CLASP1: variants seen among roughly 807,000 people sequenced by gnomAD.
CLASP1 encodes cytoplasmic linker associated protein 1, also known as CLIP-associating protein 1.
A neutral mutation model predicts 192.3 loss-of-function variants in CLASP1; 38 were observed. That is an observed-to-expected ratio of 0.20 (90% CI 0.15 to 0.26). The LOEUF is 0.26. CLASP1 is among the 10% of genes least tolerant of loss of function. The pLI is 1.00. For synonymous variants in CLASP1, 691 were observed against 712.8 expected (o/e 0.97, Z 0.49); for missense variants, 1,433 against 1,932.5 (o/e 0.74, Z 4.85).
rs190809005 is a variant in CLASP1, at chr2:121,516,721, T to C, written c.547-959A>G. 3.3e-3 allele frequency among the ~76,000 whole-genome samples: 496 copies of C among 152,296 alleles called. 2 individuals carry two copies. Among genetic ancestry groups the C allele is most frequent in the African/African-American group, 0.01 (426 of 41,550 alleles). On this transcript the variant is annotated intron_variant, in intron 6 of 39. Coordinates refer to ENST00000263710, the Ensembl canonical transcript of CLASP1. ...ATTAAATGATACATACACACTGATATGTCTAGGGTTAAAAATATCATCATA... is the reference window on the plus strand; with the variant it reads ...ATTAAATGATACATACACACTGATACGTCTAGGGTTAAAAATATCATCATA...
At chr2:121,530,522 G>A in intron 2 of CLASP1, 197 bp from the exon 3 acceptor site, 1 of 562,524 alleles carries the variant, frequency 1.8e-6, no homozygotes, top group Non-Finnish European at 3.2e-6. Flanking sequence ...AGCTATAATG[G>A]AAAATACTCG....
intron 1 of CLASP1, among the ~76,000 whole-genome samples, chr2:121,625,971 CACCTGTAATCCCAGCTACTCGGGAG>C (rs533796972): frequency 2.0e-5 from 3 of 151,896 alleles, no homozygotes; most frequent in Admixed American, 1.3e-4. Context: ...TGGTGGCACG[CACCTGTAATCCCAGCTACTCGGGAG>C]GCTGAGGCAA....
In CLASP1 at chr2:121,530,969, C is replaced by T. The variant is rs546680447; in HGVS notation, c.196-644G>A. 1.3e-4 allele frequency: 88 copies of T among 700,398 alleles called. No individual in the cohort carries two copies. The highest frequency in any genetic ancestry group is 3.8e-4 in the African/African-American group (22 of 57,286). 43.4% of individuals were successfully genotyped at this position (700,398 alleles called of 1,614,324 possible). A position where few individuals can be genotyped will look rare whatever the true frequency, so the allele number is the denominator to read the frequency against. On this transcript the variant is annotated intron_variant, in intron 2 of 39. Coordinates refer to ENST00000263710, the Ensembl canonical transcript of CLASP1. ...CGCCTGAACAACACACCCGCATCAA[C>T]TAGAGCTTTTGCTTTATTTTGGTGC...
At chr2:121,364,667 C>T (rs2067048952) in intron 36 of CLASP1, 1 of 190,366 alleles carries the variant, frequency 5.3e-6, no homozygotes, top group African/African-American at 2.4e-5. Context: ...TAGGGGGGGA[C>T]CAAGATGGAA....
At chr2:121,360,192 C>A (rs945904113) in intron 37 of CLASP1, among the ~76,000 whole-genome samples, 2 of 152,144 alleles carry the variant, frequency 1.3e-5, no homozygotes, top group Non-Finnish European at 2.9e-5. Flanking sequence ...GTTAACCTGC[C>A]GAGTCTTACG....
chr2:121,501,536 C>G (rs779281439), intron 8 of CLASP1, among the ~76,000 whole-genome samples: 1 of 151,906 alleles, frequency 6.6e-6, no homozygotes, highest in East Asian at 1.9e-4. Context: ...GAAAATATAG[C>G]GAAAATGATT....
chr2:121,541,352 G>A (rs1024380724), intron 2 of CLASP1, among the ~76,000 whole-genome samples: 7 of 152,060 alleles, frequency 4.6e-5, no homozygotes, highest in African/African-American at 1.4e-4. Flanking sequence ...ATGAATCTGA[G>A]TACTCTCACA....
At chr2:121,534,919 G>A (rs1010401512) in intron 2 of CLASP1, among the ~76,000 whole-genome samples, 2 of 152,168 alleles carry the variant, frequency 1.3e-5, no homozygotes, top group African/African-American at 4.8e-5. Context: ...CAGAAACAAA[G>A]ACCAACCTGG....
In CLASP1 at chr2:121,427,442, G is replaced by C. The variant is rs1214532897; in HGVS notation, c.2018-12C>G. The stretch of plus-strand genomic sequence containing the variant: ...AGCAGATCTGGATCCTTGATTATGA[G>C]AGCAGACCAAAGGACAGGCAAAAAG... On this transcript the variant is annotated splice_polypyrimidine_tract_variant and intron_variant, in intron 20 of 39. Transcript: ENST00000263710. The C allele has an allele frequency of 6.2e-7, 1 of 1,612,610 alleles. No individual in the cohort carries two copies. The highest frequency in any genetic ancestry group is 1.3e-5 in the African/African-American group (1 of 74,998).
intron 1 of CLASP1, among the ~76,000 whole-genome samples, chr2:121,626,258 G>C (rs978175405): frequency 2.6e-5 from 4 of 151,942 alleles, no homozygotes; most frequent in Admixed American, 1.3e-4. Context: ...AAGACAGAAG[G>C]TGTAAGAAGG....
intron 2 of CLASP1, among the ~76,000 whole-genome samples, chr2:121,565,814 A>T (rs937784707): frequency 1.3e-5 from 2 of 152,216 alleles, no homozygotes; most frequent in African/African-American, 4.8e-5. Context: ...CAGAACACAC[A>T]TTAAGAGCAG....
chr2:121,599,968 A>G (rs1324522071), intron 2 of CLASP1, among the ~76,000 whole-genome samples: 3 of 152,044 alleles, frequency 2.0e-5, no homozygotes, highest in Non-Finnish European at 4.4e-5. Context: ...AGTTTTGTTT[A>G]ATATAAAGCT....
chr2:121,525,000 A>G (rs2094542262), intron 6 of CLASP1, among the ~76,000 whole-genome samples: 1 of 152,160 alleles, frequency 6.6e-6, no homozygotes, highest in African/African-American at 2.4e-5. Flanking sequence ...GGTCGGGTAG[A>G]AGGCCAGCCT....
At chr2:121,531,055 G>C (rs575741414) in intron 2 of CLASP1, 14 of 696,838 alleles carry the variant, frequency 2.0e-5, no homozygotes, top group Admixed American at 4.0e-5. Flanking sequence ...GCAGTAATTC[G>C]TAAATAAACT....
At chr2:121,359,991 G>A (rs925655829) in intron 37 of CLASP1, among the ~76,000 whole-genome samples, 6 of 152,188 alleles carry the variant, frequency 3.9e-5, no homozygotes, top group African/African-American at 1.2e-4. Flanking sequence ...CCATCTTATC[G>A]TCAGTCCTAT....
chr2:121,502,831 T>TA (rs1381341784), intron 8 of CLASP1, among the ~76,000 whole-genome samples: 1 of 152,190 alleles, frequency 6.6e-6, no homozygotes, highest in Non-Finnish European at 1.5e-5. Context: ...GAAGAAAAGA[T>TA]ACTGTTTAGG....
intron 19 of CLASP1, among the ~76,000 whole-genome samples, chr2:121,446,256 C>A (rs1559226144): frequency 6.6e-6 from 1 of 152,132 alleles, no homozygotes; most frequent in Non-Finnish European, 1.5e-5. Flanking sequence ...TTATAAAGAA[C>A]CTTTATATAA....
intron 30 of CLASP1, among the ~76,000 whole-genome samples, chr2:121,392,433 T>C (rs2074531114): frequency 6.6e-6 from 1 of 152,208 alleles, no homozygotes; most frequent in Non-Finnish European, 1.5e-5. Flanking sequence ...TAATATACTT[T>C]ATGAAATTTA....
At position 121,367,569 on chromosome 2, in the gene CLASP1, T is replaced by C. The variant is rs377671445; in HGVS notation, c.3886+19A>G. 25 of 1,613,716 alleles carry C rather than the reference T, an allele frequency of 1.5e-5. No homozygotes were observed. The African/African-American group carries it at 3.1e-4, about 20-fold the overall frequency. ...GGAAGCACTTCTGGGTGGGGACAGT[T>C]AAGAAAAGAGACACCAACCGTCTCG... On this transcript the variant is annotated intron_variant, in intron 35 of 39. Coordinates refer to ENST00000263710, the Ensembl canonical transcript of CLASP1.
Sources: allele counts gnomAD v4.1 joint callset (sites outside exome capture counted in the v4.1 genomes callset), GRCh38; gene constraint gnomAD v4.1.1; transcripts MANE v1.5; gene names NCBI Gene and HGNC (gene_info 2026-07-23, HGNC 2026-07-21).